The following ARFGEF3 variants were observed in gnomAD, a reference collection of about 807,000 sequenced individuals.
ARFGEF3 encodes the protein ARFGEF family member 3.
In ARFGEF3, 96 loss-of-function variants were observed where a neutral mutation model predicts 221.7. The observed-to-expected ratio is 0.43, with a 90% CI of 0.37 to 0.51. The LOEUF is 0.51. Among genes scored for constraint, ARFGEF3 ranks in the 20% least tolerant of loss-of-function variants. The probability of loss-of-function intolerance (pLI) is 0.00; values close to 1 mark genes in which losing one functional copy is unlikely to be tolerated. For synonymous variants in ARFGEF3, 1,145 were observed against 1,126.8 expected (o/e 1.02, Z -0.32); for missense variants, 2,410 against 2,789.9 (o/e 0.86, Z 3.07).
At chr6:138,307,943 A>G (rs1020974882) in intron 23 of ARFGEF3, among the ~76,000 whole-genome samples, 6 of 152,224 alleles carry the variant, frequency 3.9e-5, no homozygotes, top group Admixed American at 1.3e-4. Context: ...TAGGAAGGAC[A>G]CAACAGGTTA....
At chr6:138,206,948 A>T (rs886888511) in intron 2 of ARFGEF3, 94 bp from the exon 3 acceptor site, 3 of 833,564 alleles carry the variant, frequency 3.6e-6, no homozygotes, top group Non-Finnish European at 6.0e-6. Flanking sequence ...GTATGTGTGT[A>T]GTGGCATTTG....
rs1244031897 is a variant in ARFGEF3 at position 138,334,994 on chromosome 6, A to G, written c.6148A>G (p.Lys2050Glu). ...CCCCAAAGAGGTCAAAGTGGAGAAG[A>G]AAGGAGAGCCACTGGGTCCCAGGGG... is the stretch of plus-strand genomic sequence containing the variant. The part of the protein sequence containing the change: ...AFPKEVKVEK[K>E]GEPLGPRGQD... The change falls in exon 33 of 34, where the codon AAA (lysine) becomes GAA (glutamate). Residue 2050 changes from lysine to glutamate, a missense_variant. This residue lies in a region of ARFGEF3 where 339 missense variants were observed against 334.9 expected (regional missense o/e 1.01). Transcript: ENST00000251691. This position sits in a 1 kb window ranked among gnomAD's most constrained non-coding sequence, Gnocchi z 5.1. 7 of 1,586,196 alleles carry G rather than the reference A, an allele frequency of 4.4e-6. No homozygotes were observed. The highest frequency in any genetic ancestry group is 3.3e-4 in the Middle Eastern group (2 of 6,050).
At chr6:138,308,180 G>C (rs778327124) in intron 23 of ARFGEF3, among the ~76,000 whole-genome samples, 7 of 152,160 alleles carry the variant, frequency 4.6e-5, no homozygotes, top group Non-Finnish European at 1.0e-4. Context: ...CAGGAAAGCA[G>C]GTGTTCACCA....
chr6:138,230,781 G>A (rs1266351544), intron 5 of ARFGEF3, among the ~76,000 whole-genome samples: 1 of 152,198 alleles, frequency 6.6e-6, no homozygotes, highest in Non-Finnish European at 1.5e-5. Context: ...TTTAAAATAT[G>A]GATTGATACA....
intron 24 of ARFGEF3, among the ~76,000 whole-genome samples, chr6:138,309,886 G>A (rs1356288803): frequency 6.6e-6 from 1 of 152,164 alleles, no homozygotes; most frequent in Non-Finnish European, 1.5e-5. Flanking sequence ...ACTGGGTGAG[G>A]GTGGAGCTCC....
At chr6:138,215,949 T>G (rs1777840875) in intron 4 of ARFGEF3, 1 of 146,166 alleles carries the variant, frequency 6.8e-6, no homozygotes, top group Non-Finnish European at 1.5e-5. Flanking sequence ...TTACCATTGG[T>G]TTTTTGGTTT....
intron 2 of ARFGEF3, among the ~76,000 whole-genome samples, chr6:138,172,367 C>T (rs1162341723): frequency 6.6e-6 from 1 of 152,148 alleles, no homozygotes; most frequent in African/African-American, 2.4e-5. Flanking sequence ...CCTTTTCCAC[C>T]GCACCTTTAA....
intron 22 of ARFGEF3, among the ~76,000 whole-genome samples, chr6:138,300,316 T>G (rs1442550439): frequency 6.6e-6 from 1 of 152,178 alleles, no homozygotes; most frequent in Admixed American, 6.5e-5. Flanking sequence ...CACCTAGAAG[T>G]TAACACCTAA....
At chr6:138,323,965 AC>A (rs1780082123) in intron 30 of ARFGEF3, 57 bp from the exon 31 acceptor site, 2 of 1,593,574 alleles carry the variant, frequency 1.3e-6, no homozygotes, top group Admixed American at 3.4e-5. Flanking sequence ...CAGATCCAAG[AC>A]TGAGCCCGGC....
At chr6:138,182,327 G>T (rs930094247) in intron 2 of ARFGEF3, among the ~76,000 whole-genome samples, 18 of 152,232 alleles carry the variant, frequency 1.2e-4, no homozygotes, top group Non-Finnish European at 2.4e-4. Flanking sequence ...ATTAAATTTT[G>T]TGCAGTAAAT....
chr6:138,293,140 C>T (rs2114638938), intron 19 of ARFGEF3, among the ~76,000 whole-genome samples: 1 of 152,322 alleles, frequency 6.6e-6, no homozygotes, highest in Non-Finnish European at 1.5e-5. Flanking sequence ...CTATTAGAGA[C>T]CCTCTCCCTG....
At chr6:138,254,260 T>C (rs1778634063) in intron 9 of ARFGEF3, among the ~76,000 whole-genome samples, 1 of 151,606 alleles carries the variant, frequency 6.6e-6, no homozygotes, top group African/African-American at 2.4e-5. Flanking sequence ...CTCCTAAAAA[T>C]ACAAAAATAG....
intron 20 of ARFGEF3, among the ~76,000 whole-genome samples, chr6:138,294,618 G>C (rs1249896935): frequency 6.6e-6 from 1 of 152,226 alleles, no homozygotes; most frequent in East Asian, 1.9e-4. Context: ...TCCCATTAAT[G>C]ATGGGTCAGT....
At chr6:138,236,122 T>C (rs1778282174) in intron 5 of ARFGEF3, among the ~76,000 whole-genome samples, 1 of 152,218 alleles carries the variant, frequency 6.6e-6, no homozygotes, top group South Asian at 2.1e-4. Context: ...GAGTCTAAAG[T>C]GAATGATGTA....
chr6:138,278,138 A>G (rs768522092), intron 12 of ARFGEF3, among the ~76,000 whole-genome samples: 1 of 152,162 alleles, frequency 6.6e-6, no homozygotes, highest in African/African-American at 2.4e-5. Flanking sequence ...CTAGGGATAG[A>G]ATGCAGTCAA....
chr6:138,304,076 C>T lies in ARFGEF3; in HGVS notation c.3829-3177C>T, dbSNP rs202127313. Among the ~76,000 whole-genome samples, 7 of 151,692 alleles carry T rather than the reference C, an allele frequency of 4.6e-5. No individual in the cohort carries two copies. The East Asian group carries it at 1.4e-3, about 29-fold the overall frequency. On this transcript the variant is annotated intron_variant, in intron 22 of 33. Transcript: ENST00000251691. ...TTCATAGTAACATTATTCATAATAG[C>T]CAGAAAGTTAGAAACAACTCAGATT... is the stretch of plus-strand genomic sequence containing the variant.
intron 2 of ARFGEF3, among the ~76,000 whole-genome samples, chr6:138,181,939 G>A (rs761695354): frequency 7.9e-5 from 12 of 152,194 alleles, no homozygotes; most frequent in Non-Finnish European, 1.5e-4. Context: ...AGGGACCCGA[G>A]CTCATCAATT....
At chr6:138,178,195 C>T (rs1370502738) in intron 2 of ARFGEF3, among the ~76,000 whole-genome samples, 1 of 152,178 alleles carries the variant, frequency 6.6e-6, no homozygotes, top group East Asian at 1.9e-4. Flanking sequence ...CCCTAATCCT[C>T]ACCATTCTTA....
Position 138,317,313 on chromosome 6 carries a change from C to A in ARFGEF3, c.4408C>A (p.Arg1470=). Residue 1470 remains arginine (R), a synonymous_variant, in exon 27 of 34, where the codon CGG becomes AGG. Coordinates refer to ENST00000251691, the MANE Select transcript of ARFGEF3 (RefSeq NM_020340.5). ...QLTAAVSNCP[R]QHQPPTLDLL... ...GACAGCGGCTGTGTCCAATTGTCCA[C>A]GGCAGCACCAACCACCAACTCTGGA... is the stretch of plus-strand genomic sequence containing the variant. 6.2e-7 allele frequency: 1 copy of A among 1,613,872 alleles called. No homozygotes were observed. Among genetic ancestry groups the A allele is most frequent in the Non-Finnish European group, 8.5e-7 (1 of 1,179,816 alleles).
Sources: gnomAD v4.1 joint callset for allele counts (sites outside exome capture counted in the v4.1 genomes callset) on GRCh38, gnomAD v4.1.1 for gene constraint, gnomAD v4.1.1 regional missense constraint, Gnocchi (gnomAD v3.1) non-coding constraint, MANE v1.5 for transcripts, NCBI Gene and HGNC (gene_info 2026-07-23, HGNC 2026-07-21) for gene names.